GNPTAB: variants seen among roughly 807,000 people sequenced by gnomAD.
The protein encoded by GNPTAB is N-acetylglucosamine-1-phosphate transferase subunits alpha and beta.
Under a neutral mutation model 136.6 loss-of-function variants are expected in GNPTAB, and 92 were observed. The ratio of observed to expected loss-of-function variants is 0.67; its 90% CI spans 0.57 to 0.80. The LOEUF is 0.80. GNPTAB is among the 30% of genes least tolerant of loss of function. The pLI, the probability that GNPTAB is intolerant of heterozygous loss-of-function variation, is 0.00. For synonymous variants in GNPTAB, 512 were observed against 535.1 expected (o/e 0.96, Z 0.60); for missense variants, 1,343 against 1,501.8 (o/e 0.89, Z 1.75).
intron 1 of GNPTAB, among the ~76,000 whole-genome samples, chr12:101,799,900 T>G (rs369265244): frequency 1.2e-4 from 18 of 152,108 alleles, no homozygotes; most frequent in African/African-American, 4.3e-4. Flanking sequence ...TAAAGATCTT[T>G]AATGCTCATT....
intron 18 of GNPTAB, 42 bp from the exon 19 acceptor site, chr12:101,753,581 A>G: frequency 6.7e-7 from 1 of 1,494,300 alleles, no homozygotes; most frequent in South Asian, 1.1e-5. Context: ...ACATATGGAT[A>G]ATCCTGACCT....
intron 1 of GNPTAB, among the ~76,000 whole-genome samples, chr12:101,802,005 A>C (rs1287624183): frequency 1.3e-5 from 2 of 152,048 alleles, no homozygotes; most frequent in East Asian, 3.9e-4. Flanking sequence ...CTGGGCAACA[A>C]ACTGAGATCC....
At chr12:101,774,840 TA>T (rs1422346375) in intron 7 of GNPTAB, among the ~76,000 whole-genome samples, 2 of 152,224 alleles carry the variant, frequency 1.3e-5, no homozygotes, top group African/African-American at 4.8e-5. Flanking sequence ...TGCATGTTTT[TA>T]AGTCAAGCAA....
chr12:101,765,748 G>A (rs1388775057), intron 12 of GNPTAB: 12 of 343,716 alleles, frequency 3.5e-5, no homozygotes, highest in African/African-American at 1.7e-4. Context: ...CCATTAATAC[G>A]CTATCAACAA....
At chr12:101,756,253 A>G (rs1430518621) in intron 18 of GNPTAB, 1 of 156,750 alleles carries the variant, frequency 6.4e-6, no homozygotes, top group Non-Finnish European at 1.4e-5. Flanking sequence ...TGAAAATTCC[A>G]ATTTCTTTCT....
chr12:101,813,003 TTTC>T (rs1289406506), intron 1 of GNPTAB, among the ~76,000 whole-genome samples: 1 of 149,176 alleles, frequency 6.7e-6, no homozygotes. Context: ...TTTTTTTTGG[TTTC>T]TTTTTTGGTA....
chr12:101,824,437 C>CTTTTTTTTT (rs757768467), intron 1 of GNPTAB, among the ~76,000 whole-genome samples: 1 of 47,016 alleles, frequency 2.1e-5, no homozygotes, highest in African/African-American at 9.7e-5. Context: ...TATATATTTT[C>CTTTTTTTTT]TTTTTTTTTT....
chr12:101,798,879 G>T (rs1422985390), intron 1 of GNPTAB, among the ~76,000 whole-genome samples: 1 of 152,066 alleles, frequency 6.6e-6, no homozygotes, highest in Non-Finnish European at 1.5e-5. Context: ...AACATCATGG[G>T]ACTCTTAGAA....
At position 101,818,981 on chromosome 12, in the gene GNPTAB, C is replaced by T. The variant is rs189839017; in HGVS notation, c.117+11578G>A. 2.6e-3 allele frequency among the ~76,000 whole-genome samples: 397 copies of T among 152,092 alleles called. 1 individual carries two copies. Among genetic ancestry groups the T allele is most frequent in the African/African-American group, 9.3e-3 (385 of 41,508 alleles). ...ACCATGATTGTAAGGCATCCCCAGC[C>T]ATGTGGAACTGCAAGTACATTAAAA... On this transcript the variant is annotated intron_variant, in intron 1 of 20. Transcript: ENST00000299314.
In GNPTAB at chr12:101,747,248, G is replaced by A. The variant is rs760239161; in HGVS notation, c.3694-7C>T. 6.6e-6 allele frequency: 10 copies of A among 1,511,096 alleles called. No individual in the cohort carries two copies. Among genetic ancestry groups the A allele is most frequent in the Non-Finnish European group, 7.4e-6 (8 of 1,086,906 alleles). The allele number at this position is 1,511,096 out of a possible 1,614,324, so 93.6% of individuals were successfully genotyped here. On this transcript the variant is annotated splice_polypyrimidine_tract_variant and splice_region_variant and intron_variant, in intron 20 of 20. Transcript: ENST00000299314. ...TCCGCTTAAGTGCAATTAACTAAATGATGAAAGACAGAAAATACATTTTAA... is the reference window on the plus strand; with the variant it reads ...TCCGCTTAAGTGCAATTAACTAAATAATGAAAGACAGAAAATACATTTTAA...
rs774443381 is a variant in GNPTAB, at chr12:101,757,282, C to T, written c.3364G>A (p.Ala1122Thr). 1.6e-5 allele frequency: 26 copies of T among 1,607,150 alleles called. No individual in the cohort carries two copies. Among genetic ancestry groups the T allele is most frequent in the East Asian group, 4.5e-5 (2 of 44,828 alleles). The change falls in exon 18 of 21, where the codon GCT becomes ACT. Residue 1122 changes from alanine to threonine, a missense_variant. Ala to Thr is a moderately conservative substitution (Grantham distance 58, BLOSUM62 0). Transcript: ENST00000299314. ...RFEIMGEEEIAFKMIRTNVSH... is the reference protein window; with the variant it reads ...RFEIMGEEEITFKMIRTNVSH... ...ACGTTGGTACGAATCATTTTAAAAGCGATTTCTTCTTCTCCCATGATTTCA... is the reference window on the plus strand; with the variant it reads ...ACGTTGGTACGAATCATTTTAAAAGTGATTTCTTCTTCTCCCATGATTTCA...
At chr12:101,787,007 A>C (rs1254514032) in intron 4 of GNPTAB, among the ~76,000 whole-genome samples, 1 of 152,254 alleles carries the variant, frequency 6.6e-6, no homozygotes, top group African/African-American at 2.4e-5. Flanking sequence ...CTTTTGGGAA[A>C]GCAAGTTGGT....
chr12:101,813,630 C>T (rs1207070823), intron 1 of GNPTAB, among the ~76,000 whole-genome samples: 2 of 152,128 alleles, frequency 1.3e-5, no homozygotes, highest in African/African-American at 4.8e-5. Flanking sequence ...TTTTTTCTAA[C>T]GTATGTTTCT....
At chr12:101,773,029 A>G (rs923144084) in intron 7 of GNPTAB, 40 of 166,234 alleles carry the variant, frequency 2.4e-4, no homozygotes, top group Admixed American at 3.9e-4. Context: ...CACATTGGCC[A>G]GGCTGGTCTC....
chr12:101,752,164 C>T (rs1175510997), intron 19 of GNPTAB, among the ~76,000 whole-genome samples: 1 of 152,182 alleles, frequency 6.6e-6, no homozygotes, highest in African/African-American at 2.4e-5. Context: ...TGGCTCAGGC[C>T]TGTAATCCCA....
chr12:101,791,148 T>C (rs1025809416), intron 2 of GNPTAB, among the ~76,000 whole-genome samples: 1 of 152,226 alleles, frequency 6.6e-6, no homozygotes, highest in East Asian at 1.9e-4. Flanking sequence ...GTCCTCATAA[T>C]AAAGAGTCAG....
At chr12:101,821,645 C>G (rs1870809186) in intron 1 of GNPTAB, among the ~76,000 whole-genome samples, 1 of 152,148 alleles carries the variant, frequency 6.6e-6, no homozygotes, top group Admixed American at 6.5e-5. Context: ...TCTGTGACGC[C>G]TGCTCCACCT....
At chr12:101,786,642 T>C (rs899358344) in intron 4 of GNPTAB, among the ~76,000 whole-genome samples, 7 of 152,182 alleles carry the variant, frequency 4.6e-5, no homozygotes, top group Admixed American at 1.3e-4. Flanking sequence ...ACTAAATACA[T>C]TGGATGTGAC....
At chr12:101,793,644 C>G (rs1190520980) in intron 2 of GNPTAB, among the ~76,000 whole-genome samples, 1 of 152,122 alleles carries the variant, frequency 6.6e-6, no homozygotes, top group African/African-American at 2.4e-5. Context: ...AATGCATTAT[C>G]TTGGAGCTGA....
Sources: allele counts gnomAD v4.1 joint callset (sites outside exome capture counted in the v4.1 genomes callset), GRCh38; gene constraint gnomAD v4.1.1; transcripts MANE v1.5; gene names NCBI Gene and HGNC (gene_info 2026-07-23, HGNC 2026-07-21).